PLAT: variants seen among roughly 807,000 people sequenced by gnomAD.
PLAT encodes the protein plasminogen activator, tissue type.
In PLAT, 48 loss-of-function variants were observed where a neutral mutation model predicts 74.9. That is an observed-to-expected ratio of 0.64 (90% confidence interval 0.51 to 0.82). The LOEUF (loss-of-function observed/expected upper bound fraction) is 0.82. Ranked by LOEUF, PLAT falls within the 40% of genes least tolerant of loss-of-function variation. The pLI, the probability that PLAT is intolerant of heterozygous loss-of-function variation, is 0.00. For synonymous variants in PLAT, 307 were observed against 294.4 expected (o/e 1.04, Z -0.44); for missense variants, 673 against 736.2 (o/e 0.91, Z 0.99).
chr8:42,178,926 G>T lies in PLAT; in HGVS notation c.1501C>A (p.Pro501Thr), dbSNP rs762002120. ...CAGGCGTCGTGCAAGTTTGCCTGGGGCCCGCCGCTCCGAGTGTCTCCAGCA... is the reference window on the plus strand; with the variant it reads ...CAGGCGTCGTGCAAGTTTGCCTGGGTCCCGCCGCTCCGAGTGTCTCCAGCA... Reference protein sequence around the residue: ...LCAGDTRSGGPQANLHDACQG... With the variant: ...LCAGDTRSGGTQANLHDACQG... Residue 501 changes from proline to threonine, a missense_variant, in exon 13 of 14, where the codon CCC (proline) becomes ACC (threonine). Transcript: ENST00000220809. 6.2e-7 allele frequency: 1 copy of T among 1,613,702 alleles called. No homozygotes were observed.
In PLAT at chr8:42,180,166, GT is replaced by G. The variant is rs1398064686; in HGVS notation, c.1222+75del. ...AGGGGCTGGAGGAGGAGGCCCGTGT[GT>G]GTAAACATAGGTGAGTGCATGTGGG... On this transcript the variant is annotated intron_variant, in intron 11 of 13. Coordinates refer to ENST00000220809, the MANE Select transcript of PLAT (RefSeq NM_000930.5). The G allele has an allele frequency of 2.5e-6, 4 of 1,596,066 alleles. No individual in the cohort carries two copies. The Admixed American group carries it at 6.7e-5, about 27-fold the overall frequency.
chr8:42,183,029 A>G (rs1019792482), intron 7 of PLAT, 139 bp from the exon 8 acceptor site: 6 of 609,618 alleles, frequency 9.8e-6, no homozygotes, highest in Non-Finnish European at 1.1e-5. Context: ...AACACCTCAC[A>G]CTTCCCCTTT....
chr8:42,187,635 G>A, intron 5 of PLAT, 63 bp from the exon 6 acceptor site: 1 of 1,453,336 alleles, frequency 6.9e-7, no homozygotes, highest in South Asian at 1.3e-5. Context: ...CCCTCAGGAG[G>A]CTCCCCTCTC....
intron 7 of PLAT, 187 bp downstream of exon 7, chr8:42,184,894 C>T: frequency 2.1e-6 from 1 of 471,940 alleles, no homozygotes; most frequent in Non-Finnish European, 3.7e-6. Flanking sequence ...CCAGGTCAGA[C>T]AAATAGCCAG....
rs950180570 is a variant in PLAT at position 42,176,064 on chromosome 8, T to C, written c.1618A>G (p.Lys540Glu). Residue 540 changes from lysine (K) to glutamate (E), a missense_variant, in exon 14 of 14, where the codon AAG becomes GAG. Coordinates refer to ENST00000220809, the MANE Select transcript of PLAT (RefSeq NM_000930.5). ...TTGGTGTACACACCCGGGACATCCT[T>C]CTGTCCACAGCCCAGGCCCCAGCTG... ...IISWGLGCGQ[K>E]DVPGVYTKVT... is the part of the protein sequence containing the mutation. The C allele has an allele frequency of 5.0e-6, 8 of 1,613,924 alleles. No homozygotes were observed. Among genetic ancestry groups the C allele is most frequent in the Admixed American group, 1.7e-5 (1 of 59,990 alleles).
At position 42,180,246 on chromosome 8, in the gene PLAT, G is replaced by A; in HGVS notation, c.1218C>T (p.Asp406=). The change falls in exon 11 of 14, where the codon GAC becomes GAT. Residue 406 remains aspartate, a synonymous_variant. Transcript: ENST00000220809. ...CCGGGAATGACGAGCTCTTACCAAT[G>A]TCATTGTCGTAAGTGTCATCATCGA... ...KEFDDDTYDN[D]IALLQLKSDS... is the part of the protein sequence containing the mutation. 1 of 1,614,194 alleles carries A rather than the reference G, an allele frequency of 6.2e-7. No homozygotes were observed. The highest frequency in any genetic ancestry group is 8.5e-7 in the Non-Finnish European group (1 of 1,180,002).
chr8:42,179,733 T>G (rs1461649487), intron 12 of PLAT, among the ~76,000 whole-genome samples, 193 bp downstream of exon 12: 1 of 152,146 alleles, frequency 6.6e-6, no homozygotes, highest in Non-Finnish European at 1.5e-5. Context: ...TGTTGTGTCC[T>G]TTCCTGGCCT....
At chr8:42,185,317 T>C in intron 6 of PLAT, 145 bp from the exon 7 acceptor site, 1 of 478,782 alleles carries the variant, frequency 2.1e-6, no homozygotes, top group Non-Finnish European at 3.7e-6. Flanking sequence ...CAGGCTGGAG[T>C]GCAGCGGCGC....
intron 6 of PLAT, 77 bp from the exon 7 acceptor site, chr8:42,185,249 T>A (rs980742474): frequency 2.4e-6 from 2 of 849,356 alleles, no homozygotes; most frequent in African/African-American, 3.5e-5. Context: ...GACTTTGGTA[T>A]CCTTTTCTGG....
At position 42,202,581 on chromosome 8, in the gene PLAT, A is replaced by G. The variant is rs547593286; in HGVS notation, c.-27+4913T>C. ...TCACAGACAATGATCTACCCATGCT[A>G]TATATTCACCATCAACGTGTATGGA... On this transcript the variant is annotated intron_variant, in intron 1 of 13. Transcript: ENST00000220809. Among the ~76,000 whole-genome samples the G allele has an allele frequency of 2.7e-3, 406 of 151,934 alleles. 1 individual carries two copies. Among genetic ancestry groups the G allele is most frequent in the Non-Finnish European group, 3.6e-3 (248 of 67,982 alleles).
At chr8:42,176,304 A>G (rs961998065) in intron 13 of PLAT, among the ~76,000 whole-genome samples, 153 bp from the exon 14 acceptor site, 3 of 152,222 alleles carry the variant, frequency 2.0e-5, no homozygotes, top group Non-Finnish European at 4.4e-5. Flanking sequence ...TTTGATGAGG[A>G]AAACAAAAAT....
At chr8:42,182,318 C>T in intron 8 of PLAT, 1 of 321,964 alleles carries the variant, frequency 3.1e-6, no homozygotes, top group Non-Finnish European at 5.8e-6. Flanking sequence ...TTCATCTTGA[C>T]CTTGCAGCAC....
chr8:42,189,924 CT>C (rs201306573), intron 3 of PLAT, among the ~76,000 whole-genome samples: 15,085 of 143,338 alleles, frequency 0.11, 964 homozygotes, highest in East Asian at 0.2. Flanking sequence ...TTTTCTTTTT[CT>C]TTTTTTTTTT....
At position 42,180,624 on chromosome 8, in the gene PLAT, G is replaced by GGCGAAGAGCCCTCCTTT. The variant is rs763208732; in HGVS notation, c.934_950dup (p.Asp318LysfsTer57). ...CCTGCCAGGGGTGGGAGGCGATGTC[G>GGCGAAGAGCCCTCCTTT]GCGAAGAGCCCTCCTTTGATGCGAA... On this transcript the variant is annotated frameshift_variant, in exon 10 of 14. Transcript: ENST00000220809. LOFTEE classifies it high-confidence loss of function. 1 of 1,611,502 alleles carries GGCGAAGAGCCCTCCTTT rather than the reference G, an allele frequency of 6.2e-7. No homozygotes were observed.
chr8:42,207,161 G>T (rs1244646719), intron 1 of PLAT, among the ~76,000 whole-genome samples: 1 of 152,150 alleles, frequency 6.6e-6, no homozygotes, highest in Non-Finnish European at 1.5e-5. Flanking sequence ...TGCTCGTCTT[G>T]AGGTACTCCC....
intron 6 of PLAT, 67 bp from the exon 7 acceptor site, chr8:42,185,239 G>A (rs1052822506): frequency 1.3e-5 from 12 of 952,974 alleles, no homozygotes; most frequent in Non-Finnish European, 1.8e-5. Flanking sequence ...AGGACCCAAG[G>A]ACTTTGGTAT....
At chr8:42,181,320 A>G (rs1388946252) in intron 9 of PLAT, among the ~76,000 whole-genome samples, 1 of 152,206 alleles carries the variant, frequency 6.6e-6, no homozygotes, top group Non-Finnish European at 1.5e-5. Flanking sequence ...ATTTTTTAGC[A>G]ATATGCACCA....
chr8:42,186,734 A>C (rs1317573494), intron 6 of PLAT: 2 of 151,474 alleles, frequency 1.3e-5, no homozygotes, highest in South Asian at 4.2e-4. Flanking sequence ...CTCTATCTCT[A>C]TCTCTCTATC....
At chr8:42,191,262 C>A in intron 3 of PLAT, 110 bp downstream of exon 3, 1 of 850,908 alleles carries the variant, frequency 1.2e-6, no homozygotes, top group South Asian at 1.4e-5. Context: ...ACTGTCACAC[C>A]GTAGGCAGGT....
Sources: allele counts gnomAD v4.1 joint callset (sites outside exome capture counted in the v4.1 genomes callset), GRCh38; gene constraint gnomAD v4.1.1; transcripts MANE v1.5; gene names NCBI Gene and HGNC (gene_info 2026-07-23, HGNC 2026-07-21).